SPOCK3: variants seen among roughly 807,000 people sequenced by gnomAD.
SPOCK3 encodes testican-3.
In SPOCK3, 30 loss-of-function variants were observed where a neutral mutation model predicts 56.6. The ratio of observed to expected loss-of-function variants is 0.53; its 90% CI spans 0.40 to 0.72. SPOCK3 has a LOEUF of 0.72. SPOCK3 is among the 30% of genes least tolerant of loss of function. The pLI, the probability that SPOCK3 is intolerant of heterozygous loss-of-function variation, is 0.00. For synonymous variants in SPOCK3, 196 were observed against 183.3 expected, an observed-to-expected ratio of 1.07 and a Z score of -0.56; for missense variants, 527 against 530.0, an observed-to-expected ratio of 0.99 and a Z score of 0.06.
intron 3 of SPOCK3, among the ~76,000 whole-genome samples, chr4:167,054,169 A>G (rs1754532509): frequency 6.6e-6 from 1 of 152,184 alleles, no homozygotes; most frequent in African/African-American, 2.4e-5. Context: ...CCTTGTAGAT[A>G]GGGTACCTCA....
At chr4:167,183,513 G>A (rs1731678021) in intron 2 of SPOCK3, among the ~76,000 whole-genome samples, 1 of 151,968 alleles carries the variant, frequency 6.6e-6, no homozygotes, top group Admixed American at 6.6e-5. Flanking sequence ...TCTTCTTAAA[G>A]ACATATGAAT....
rs1027929881 is a variant in SPOCK3 at position 167,146,239 on chromosome 4, T to G, written c.190-83702A>C. Among the ~76,000 whole-genome samples the G allele has an allele frequency of 3.9e-5, 6 of 152,148 alleles. No individual in the cohort carries two copies. The East Asian group carries it at 1.2e-3, about 29-fold the overall frequency. ...AGGGCATTAAATAATGGTAAAGGGA[T>G]CAACGCAACAAGAAGAGGTAATTTT... On this transcript the variant is annotated intron_variant, in intron 2 of 10. Coordinates refer to ENST00000357545, the MANE Select transcript of SPOCK3 (RefSeq NM_001040159.2).
intron 2 of SPOCK3, among the ~76,000 whole-genome samples, chr4:167,227,034 A>G (rs1580691743): frequency 6.6e-6 from 1 of 152,178 alleles, no homozygotes; most frequent in African/African-American, 2.4e-5. Context: ...GAAGTTCAGT[A>G]GTTGAAGAAG....
Position 167,083,471 on chromosome 4 carries a change from C to A in SPOCK3, c.190-20934G>T, listed in dbSNP as rs572374477. Among the ~76,000 whole-genome samples, 5 of 152,242 alleles carry A rather than the reference C, an allele frequency of 3.3e-5. No homozygotes were observed. In the South Asian group the frequency reaches 1.0e-3, roughly 32 times the overall value. On this transcript the variant is annotated intron_variant, in intron 2 of 10. Coordinates refer to ENST00000357545, the MANE Select transcript of SPOCK3 (RefSeq NM_001040159.2). ...TCTATCTACAATATAGCTGAGTGTA[C>A]AACCTGGTATCTCCATGCAGACTGC... is the stretch of plus-strand genomic sequence containing the variant.
At chr4:166,874,815 T>G (rs1411414624) in intron 6 of SPOCK3, among the ~76,000 whole-genome samples, 1 of 152,214 alleles carries the variant, frequency 6.6e-6, no homozygotes, top group Non-Finnish European at 1.5e-5. Flanking sequence ...AATATCTTAT[T>G]GGAAAAAGTA....
chr4:167,124,111 C>T (rs1402718127), intron 2 of SPOCK3, among the ~76,000 whole-genome samples: 2 of 152,146 alleles, frequency 1.3e-5, no homozygotes, highest in Non-Finnish European at 2.9e-5. Flanking sequence ...CCATATATTC[C>T]TCCCACCTAT....
At chr4:166,842,403 T>C (rs1414256194) in intron 6 of SPOCK3, among the ~76,000 whole-genome samples, 1 of 152,166 alleles carries the variant, frequency 6.6e-6, no homozygotes, top group Non-Finnish European at 1.5e-5. Context: ...ATCCCTAAGC[T>C]AGACACAGAG....
intron 3 of SPOCK3, among the ~76,000 whole-genome samples, chr4:167,046,450 C>CTTTTTTTTTTTTTTTTTTTTTTTTTTTAT (rs67108499): frequency 1.9e-5 from 1 of 53,708 alleles, no homozygotes; most frequent in African/African-American, 8.0e-5. Context: ...TTCTGATATT[C>CTTTTTTTTTTTTTTTTTTTTTTTTTTTAT]TTTTTTTTTT....
At chr4:166,908,984 T>C (rs983751446) in intron 5 of SPOCK3, among the ~76,000 whole-genome samples, 1 of 152,088 alleles carries the variant, frequency 6.6e-6, no homozygotes. Flanking sequence ...TTGCTGAATT[T>C]GAAAGAATTC....
chr4:167,137,060 C>T (rs1421267401), intron 2 of SPOCK3, among the ~76,000 whole-genome samples: 1 of 151,978 alleles, frequency 6.6e-6, no homozygotes, highest in Non-Finnish European at 1.5e-5. Context: ...ATAGCCTTGC[C>T]AAATACTAAA....
intron 2 of SPOCK3, among the ~76,000 whole-genome samples, chr4:167,230,314 G>A (rs1737028398): frequency 6.6e-6 from 1 of 151,684 alleles, no homozygotes; most frequent in South Asian, 2.1e-4. Context: ...CAATACATAA[G>A]CCACTCGAGC....
intron 2 of SPOCK3, among the ~76,000 whole-genome samples, chr4:167,221,822 G>T (rs1394255194): frequency 2.0e-5 from 3 of 152,042 alleles, no homozygotes; most frequent in Admixed American, 6.6e-5. Context: ...GTTAGCAAGG[G>T]TGCAAAAAAA....
At chr4:166,837,725 A>G (rs1194281731) in intron 6 of SPOCK3, among the ~76,000 whole-genome samples, 1 of 152,172 alleles carries the variant, frequency 6.6e-6, no homozygotes, top group Non-Finnish European at 1.5e-5. Context: ...TAGGAAAAGG[A>G]AAGTCAATTT....
At chr4:166,822,313 T>G (rs1413142084) in intron 6 of SPOCK3, among the ~76,000 whole-genome samples, 1 of 152,016 alleles carries the variant, frequency 6.6e-6, no homozygotes, top group African/African-American at 2.4e-5. Context: ...CTCTTAATTT[T>G]CTCTCTGAAA....
At chr4:167,051,582 C>T (rs1754203499) in intron 3 of SPOCK3, among the ~76,000 whole-genome samples, 2 of 152,194 alleles carry the variant, frequency 1.3e-5, no homozygotes, top group Non-Finnish European at 2.9e-5. Context: ...CAGAAAACCA[C>T]TGTAAAACCC....
At chr4:166,748,346 T>A (rs1735926093) in intron 8 of SPOCK3, among the ~76,000 whole-genome samples, 2 of 136,698 alleles carry the variant, frequency 1.5e-5, no homozygotes, top group South Asian at 4.4e-4. Flanking sequence ...TCTACAACCA[T>A]CTGATCTTTG....
chr4:167,219,253 G>C (rs1306297630), intron 2 of SPOCK3, among the ~76,000 whole-genome samples: 5 of 152,136 alleles, frequency 3.3e-5, no homozygotes, highest in Non-Finnish European at 5.9e-5. Flanking sequence ...TATACTGTAT[G>C]CCATGAAAGG....
In SPOCK3 at chr4:167,190,570, A is replaced by G. The variant is rs190052834; in HGVS notation, c.189+43415T>C. On this transcript the variant is annotated intron_variant, in intron 2 of 10. Transcript: ENST00000357545. ...AATAGTTTACATAGGTTGCCTTTTC[A>G]TTTTCTTGATTATTTGCTTTGCGAT... is the stretch of plus-strand genomic sequence containing the variant. Among the ~76,000 whole-genome samples the G allele has an allele frequency of 1.5e-4, 22 of 145,494 alleles. 3 individuals carry two copies. The highest frequency in any genetic ancestry group is 1.5e-3 in the Admixed American group (21 of 14,202).
At chr4:167,169,235 C>T (rs981356366) in intron 2 of SPOCK3, among the ~76,000 whole-genome samples, 1 of 152,176 alleles carries the variant, frequency 6.6e-6, no homozygotes, top group Non-Finnish European at 1.5e-5. Flanking sequence ...TCCTCCAGAA[C>T]CCAGAATAGT....
Sources: allele counts gnomAD v4.1 joint callset (sites outside exome capture counted in the v4.1 genomes callset), GRCh38; gene constraint gnomAD v4.1.1; transcripts MANE v1.5; gene names NCBI Gene and HGNC (gene_info 2026-07-23, HGNC 2026-07-21).